Variants in CNKSR2 observed in about 807,000 individuals in gnomAD.
The protein encoded by CNKSR2 is CNK homolog protein 2.
CNKSR2 carries 14 observed loss-of-function variants against 84.4 expected under a neutral mutation model. That is an observed-to-expected ratio of 0.17 (90% CI 0.11 to 0.26). The LOEUF (loss-of-function observed/expected upper bound fraction) is 0.26. CNKSR2 is among the 10% of genes least tolerant of loss of function. The pLI, the probability that CNKSR2 is intolerant of heterozygous loss-of-function variation, is 1.00. For synonymous variants in CNKSR2, 275 were observed against 277.9 expected (o/e 0.99, Z 0.10); for missense variants, 485 against 771.2 (o/e 0.63, Z 4.40).
intron 4 of CNKSR2, among the ~76,000 whole-genome samples, chrX:21,444,425 C>A (rs2090824786): frequency 9.0e-6 from 1 of 111,428 alleles, no homozygotes. Context: ...GATCCAAGTT[C>A]ATCATCCTGG....
chrX:21,540,096 A>C (rs917326724), intron 11 of CNKSR2, among the ~76,000 whole-genome samples: 1 of 112,085 alleles, frequency 8.9e-6, no homozygotes, highest in African/African-American at 3.2e-5. Context: ...ACCCAAAGGG[A>C]AGAAACAAAT....
intron 1 of CNKSR2, among the ~76,000 whole-genome samples, chrX:21,394,539 C>T (rs1253706928): frequency 1.8e-5 from 2 of 111,018 alleles, no homozygotes; most frequent in African/African-American, 6.5e-5. Context: ...TGGTATATTC[C>T]ATTTTTCCTG....
At chrX:21,375,488 T>C (rs1461038292) in intron 1 of CNKSR2, among the ~76,000 whole-genome samples, 1 of 112,022 alleles carries the variant, frequency 8.9e-6, no homozygotes, top group Non-Finnish European at 1.9e-5. Flanking sequence ...ATTCGGAGCC[T>C]GGCATCCCCC....
In CNKSR2 at chrX:21,432,642, A is replaced by T. The variant is rs758744094; in HGVS notation, c.259A>T (p.Thr87Ser). 2 of 1,180,851 alleles carry T rather than the reference A, an allele frequency of 1.7e-6. No individual in the cohort carries two copies. The highest frequency in any genetic ancestry group is 1.9e-5 in the South Asian group (1 of 53,950). Reference sequence around the variant, plus strand: ...TGGCTTGGAAACAGAAAATCTAAAAACCCTTTCTCACAAGTTGAATGCATC... The same window carrying T: ...TGGCTTGGAAACAGAAAATCTAAAATCCCTTTCTCACAAGTTGAATGCATC... ...NYGLETENLK[T>S]LSHKLNASAK... The change falls in exon 3 of 22, where the codon ACC (threonine) becomes TCC (serine). Residue 87 changes from threonine (T) to serine (S), a missense_variant. This residue lies in a region of CNKSR2 where 109 missense variants were observed against 197.5 expected (regional missense o/e 0.55). Coordinates refer to ENST00000379510, the MANE Select transcript of CNKSR2 (RefSeq NM_014927.5).
At position 21,487,925 on chromosome X, in the gene CNKSR2, A is replaced by C. The variant is rs1373991755; in HGVS notation, c.562-2534A>C. ...AAGAATTCTAGGATAGCAACAGCAG[A>C]GCATAAAACCAAGTGTAGGCCCATG... is the stretch of plus-strand genomic sequence containing the variant. On this transcript the variant is annotated intron_variant, in intron 5 of 21. Transcript: ENST00000379510. Among the ~76,000 whole-genome samples, 3 of 112,725 alleles carry C rather than the reference A, an allele frequency of 2.7e-5. No individual in the cohort carries two copies. In the Admixed American group the frequency reaches 2.8e-4, roughly 11 times the overall value.
intron 20 of CNKSR2, among the ~76,000 whole-genome samples, chrX:21,611,311 CTT>C (rs1310179709): frequency 8.9e-6 from 1 of 112,523 alleles, no homozygotes; most frequent in Non-Finnish European, 1.9e-5. Context: ...GGAGAAAACA[CTT>C]TATCTCAGCC....
At chrX:21,459,318 C>G (rs1804143453) in intron 4 of CNKSR2, among the ~76,000 whole-genome samples, 1 of 112,405 alleles carries the variant, frequency 8.9e-6, no homozygotes, top group South Asian at 3.7e-4. Context: ...GCCACCAAGC[C>G]AGGCTATCCT....
intron 20 of CNKSR2, among the ~76,000 whole-genome samples, chrX:21,647,880 A>C (rs2092710420): frequency 8.9e-6 from 1 of 111,766 alleles, no homozygotes; most frequent in African/African-American, 3.2e-5. Flanking sequence ...ATTTAAAAAA[A>C]GATGATATAG....
chrX:21,598,008 C>T (rs868074416), intron 17 of CNKSR2, among the ~76,000 whole-genome samples: 4 of 102,225 alleles, frequency 3.9e-5, no homozygotes, highest in Non-Finnish European at 6.0e-5. Flanking sequence ...AAATCATACA[C>T]ATATATATAT....
chrX:21,453,824 A>G (rs765128579), intron 4 of CNKSR2, among the ~76,000 whole-genome samples: 1 of 111,471 alleles, frequency 9.0e-6, no homozygotes, highest in Admixed American at 9.6e-5. Context: ...CACATCTTAC[A>G]TGGCCAGAGA....
intron 8 of CNKSR2, among the ~76,000 whole-genome samples, chrX:21,516,230 G>T (rs187549847): frequency 1.8e-5 from 2 of 111,273 alleles, no homozygotes; most frequent in Non-Finnish European, 3.8e-5. Context: ...TTACTCCATT[G>T]GTAGGATACC....
intron 19 of CNKSR2, 69 bp from the exon 20 acceptor site, chrX:21,609,002 G>A (rs772421223): frequency 3.5e-6 from 4 of 1,135,097 alleles, no homozygotes; most frequent in Middle Eastern, 3.6e-4. Context: ...GGTAGAAACC[G>A]AATGTGTTCC....
intron 5 of CNKSR2, among the ~76,000 whole-genome samples, chrX:21,475,018 A>T (rs775433660): frequency 1.8e-5 from 2 of 112,209 alleles, no homozygotes; most frequent in African/African-American, 3.2e-5. Context: ...ATCAGAAAAA[A>T]GTAGTACTAA....
At chrX:21,585,910 G>C (rs2147239714) in intron 13 of CNKSR2, among the ~76,000 whole-genome samples, 1 of 111,813 alleles carries the variant, frequency 8.9e-6, no homozygotes, top group East Asian at 2.8e-4. Context: ...ATGCTAACAA[G>C]AGAAATCCAT....
intron 8 of CNKSR2, among the ~76,000 whole-genome samples, chrX:21,512,486 G>T (rs1216720539): frequency 1.8e-5 from 2 of 111,798 alleles, no homozygotes; most frequent in Admixed American, 1.9e-4. Context: ...TTGTTCCTTA[G>T]TTGGGCCTTT....
intron 20 of CNKSR2, among the ~76,000 whole-genome samples, chrX:21,639,713 G>C (rs968109553): frequency 9.0e-6 from 1 of 111,565 alleles, no homozygotes; most frequent in Non-Finnish European, 1.9e-5. Flanking sequence ...TGTATATGCA[G>C]TGCAAAAATT....
At chrX:21,580,893 A>C (rs1200624562) in intron 13 of CNKSR2, among the ~76,000 whole-genome samples, 1 of 111,603 alleles carries the variant, frequency 9.0e-6, no homozygotes, top group Non-Finnish European at 1.9e-5. Flanking sequence ...CCTAAATTTC[A>C]ACGGTTTCTG....
intron 11 of CNKSR2, among the ~76,000 whole-genome samples, chrX:21,555,831 G>A (rs1373321420): frequency 1.8e-5 from 2 of 111,080 alleles, no homozygotes; most frequent in African/African-American, 6.5e-5. Context: ...TGCTTCTCAG[G>A]TGCTGTTTAT....
At chrX:21,512,446 C>T (rs181975269) in intron 8 of CNKSR2, among the ~76,000 whole-genome samples, 29 of 111,681 alleles carry the variant, frequency 2.6e-4, no homozygotes, top group East Asian at 1.7e-3. Flanking sequence ...TCAACTATAC[C>T]GACAAAGGAC....
Sources: allele counts gnomAD v4.1 joint callset (sites outside exome capture counted in the v4.1 genomes callset), GRCh38; gene constraint gnomAD v4.1.1; regional missense constraint gnomAD v4.1.1; transcripts MANE v1.5; gene names NCBI Gene and HGNC (gene_info 2026-07-23, HGNC 2026-07-21).